The following RBFOX1 variants were observed in gnomAD, a reference collection of about 807,000 sequenced individuals.
RBFOX1 encodes the protein RNA binding fox-1 homolog 1.
RBFOX1 carries 8 observed loss-of-function variants against 57.7 expected under a neutral mutation model. The observed-to-expected ratio is 0.14, with a 90% CI of 0.08 to 0.25. The LOEUF (loss-of-function observed/expected upper bound fraction) is 0.25, where lower values mean the gene tolerates loss of function less well. Ranked by LOEUF, RBFOX1 falls within the 10% of genes least tolerant of loss-of-function variation. RBFOX1 has a pLI of 1.00. For synonymous variants in RBFOX1, 326 were observed against 222.4 expected (o/e 1.47, Z -4.15); for missense variants, 611 against 548.5 (o/e 1.11, Z -1.14).
At chr16:6,549,575 AAGG>A (rs1470681362) in intron 2 of RBFOX1, among the ~76,000 whole-genome samples, 1 of 143,368 alleles carries the variant, frequency 7.0e-6, no homozygotes, top group East Asian at 2.1e-4. Context: ...GGAAGGGAGG[AAGG>A]AGGAGGAAAG....
At chr16:7,582,822 C>G (rs922158055) in intron 6 of RBFOX1, among the ~76,000 whole-genome samples, 4 of 152,262 alleles carry the variant, frequency 2.6e-5, no homozygotes, top group Middle Eastern at 3.4e-3. Context: ...GCTTTTCCCC[C>G]CCTTTGTCTC....
intron 3 of RBFOX1, among the ~76,000 whole-genome samples, chr16:5,769,053 A>G (rs2053887710): frequency 1.3e-5 from 2 of 152,150 alleles, no homozygotes; most frequent in South Asian, 2.1e-4. Flanking sequence ...TATAAAGCCT[A>G]TAAACTACCA....
chr16:6,773,191 TGGGGTGCATTTGTGTGTGA>T, intron 3 of RBFOX1, among the ~76,000 whole-genome samples: 1 of 90,530 alleles, frequency 1.1e-5, no homozygotes, highest in African/African-American at 4.9e-5. Flanking sequence ...TGTGTGGGCA[TGGGGTGCATTTGTGTGTGA>T]GTGTATGTGT....
intron 1 of RBFOX1, among the ~76,000 whole-genome samples, chr16:5,307,776 C>T (rs1166404438): frequency 6.6e-6 from 1 of 152,170 alleles, no homozygotes; most frequent in Non-Finnish European, 1.5e-5. Context: ...AGGGCTTAAG[C>T]AATCCTCCCA....
At chr16:6,834,433 G>A (rs2092938349) in intron 3 of RBFOX1, among the ~76,000 whole-genome samples, 1 of 152,094 alleles carries the variant, frequency 6.6e-6, no homozygotes, top group South Asian at 2.1e-4. Context: ...ACACTTGTTT[G>A]GGAGGGGAAG....
chr16:7,696,236 G>T (rs916752523), intron 14 of RBFOX1, among the ~76,000 whole-genome samples: 2 of 152,150 alleles, frequency 1.3e-5, no homozygotes, highest in Non-Finnish European at 2.9e-5. Flanking sequence ...TTTTCCCAAA[G>T]AATGTGTGCT....
intron 4 of RBFOX1, among the ~76,000 whole-genome samples, chr16:5,969,477 ATTT>A (rs34622040): frequency 2.6e-5 from 3 of 117,014 alleles, no homozygotes; most frequent in South Asian, 2.9e-4. Context: ...ACGCCTGGCT[ATTT>A]TTTTTTTTTT....
Position 7,017,123 on chromosome 16 carries a change from C to T in RBFOX1, c.-15-34934C>T, listed in dbSNP as rs934028178. Among the ~76,000 whole-genome samples, 6 of 152,192 alleles carry T rather than the reference C, an allele frequency of 3.9e-5. No individual in the cohort carries two copies. The East Asian group carries it at 5.8e-4, about 15-fold the overall frequency. On this transcript the variant is annotated intron_variant, in intron 3 of 15. Transcript: ENST00000550418. ...ACAGATGGTGGCAACCCTGTTCTCTCTAAATAAAAAAGCAAAACAGCTGTT... is the reference window on the plus strand; with the variant it reads ...ACAGATGGTGGCAACCCTGTTCTCTTTAAATAAAAAAGCAAAACAGCTGTT...
At chr16:6,202,923 C>G (rs756306096) in intron 1 of RBFOX1, among the ~76,000 whole-genome samples, 1 of 152,052 alleles carries the variant, frequency 6.6e-6, no homozygotes, top group African/African-American at 2.4e-5. Flanking sequence ...CAGGTGCATG[C>G]CACCATGCCT....
intron 11 of RBFOX1, among the ~76,000 whole-genome samples, chr16:7,652,368 T>A (rs1198814240): frequency 1.3e-5 from 2 of 152,192 alleles, no homozygotes; most frequent in Non-Finnish European, 2.9e-5. Context: ...CCTCCTCATC[T>A]TGCTCAGAGA....
chr16:7,086,521 C>G (rs1034942705), intron 4 of RBFOX1, among the ~76,000 whole-genome samples: 2 of 151,922 alleles, frequency 1.3e-5, no homozygotes, highest in Non-Finnish European at 2.9e-5. Flanking sequence ...ATAAAGCATA[C>G]AATTTAAAAT....
chr16:6,877,241 C>T (rs2131226), intron 3 of RBFOX1, among the ~76,000 whole-genome samples: 40,823 of 151,968 alleles, frequency 0.27, 6,589 homozygotes, highest in African/African-American at 0.44. Flanking sequence ...TTCATAAATC[C>T]CACATGTTGA....
chr16:7,169,791 A>T (rs1192123619), intron 4 of RBFOX1, among the ~76,000 whole-genome samples: 1 of 148,840 alleles, frequency 6.7e-6, no homozygotes, highest in Non-Finnish European at 1.5e-5. Context: ...GTATAATTGC[A>T]GGGTGCAGTG....
chr16:5,485,455 G>A (rs961598816), intron 2 of RBFOX1, among the ~76,000 whole-genome samples: 12 of 151,260 alleles, frequency 7.9e-5, no homozygotes, highest in Non-Finnish European at 4.4e-5. Flanking sequence ...CCATTTTAGA[G>A]TTTACCTACC....
chr16:6,405,174 G>A (rs190090852), intron 2 of RBFOX1, among the ~76,000 whole-genome samples: 81 of 152,226 alleles, frequency 5.3e-4, no homozygotes, highest in African/African-American at 1.9e-3. Flanking sequence ...TAAATACTAT[G>A]CAGTCTCTTC....
chr16:6,526,165 A>G, intron 2 of RBFOX1, among the ~76,000 whole-genome samples: 1 of 152,212 alleles, frequency 6.6e-6, no homozygotes, highest in Admixed American at 6.5e-5. Flanking sequence ...CACCTCACCA[A>G]ACCATTCTTT....
At chr16:7,445,319 G>A (rs923262186) in intron 4 of RBFOX1, among the ~76,000 whole-genome samples, 3 of 152,116 alleles carry the variant, frequency 2.0e-5, no homozygotes, top group African/African-American at 4.8e-5. Context: ...CTTAGCTTCT[G>A]AACAATAGCA....
At chr16:6,850,506 G>A (rs375884428) in intron 3 of RBFOX1, among the ~76,000 whole-genome samples, 1 of 152,036 alleles carries the variant, frequency 6.6e-6, no homozygotes, top group Non-Finnish European at 1.5e-5. Flanking sequence ...TAAGAGAAGA[G>A]ATGGGAGAGG....
At chr16:6,346,551 C>G (rs2085403565) in intron 2 of RBFOX1, among the ~76,000 whole-genome samples, 2 of 152,210 alleles carry the variant, frequency 1.3e-5, no homozygotes, top group Admixed American at 1.3e-4. Context: ...CTTCTGTTTT[C>G]TGTCCATAAA....
Sources: allele counts gnomAD v4.1 joint callset (sites outside exome capture counted in the v4.1 genomes callset), GRCh38; gene constraint gnomAD v4.1.1; transcripts MANE v1.5; gene names NCBI Gene and HGNC (gene_info 2026-07-23, HGNC 2026-07-21).